TBC1D32: variants seen among roughly 807,000 people sequenced by gnomAD.
TBC1D32 encodes TBC1 domain family member 32, also known as protein broad-minded.
In TBC1D32, 151 loss-of-function variants were observed where a neutral mutation model predicts 170.3. The observed-to-expected ratio is 0.89, with a 90% CI of 0.78 to 1.01. The LOEUF (loss-of-function observed/expected upper bound fraction) is 1.01. Among genes scored for constraint, TBC1D32 ranks in the 50% least tolerant of loss-of-function variants. TBC1D32 has a pLI of 0.00. For missense variants in TBC1D32, 1,464 were observed against 1,457.1 expected (o/e 1.00, Z -0.08); for synonymous variants, 498 against 488.0 (o/e 1.02, Z -0.27).
chr6:121,118,752 C>T (rs780579600), intron 26 of TBC1D32, among the ~76,000 whole-genome samples: 1 of 152,170 alleles, frequency 6.6e-6, no homozygotes, highest in Non-Finnish European at 1.5e-5. Flanking sequence ...CAACGGACTA[C>T]ATTTCTTCCT....
In TBC1D32 at chr6:121,205,180, A is replaced by C. The variant is rs756446387; in HGVS notation, c.2482-17T>G. 3 of 1,234,362 alleles carry C rather than the reference A, an allele frequency of 2.4e-6. No individual in the cohort carries two copies. In the East Asian group the frequency reaches 7.8e-5, roughly 32 times the overall value. The allele number at this position is 1,234,362 out of a possible 1,614,324, so 76.5% of individuals were successfully genotyped here. ...AATAATATCCTGAAAAAGACAGACA[A>C]AATGAGACTGTATTTAACTGATATC... On this transcript the variant is annotated splice_polypyrimidine_tract_variant and intron_variant, in intron 21 of 31. Coordinates refer to ENST00000398212, the MANE Select transcript of TBC1D32 (RefSeq NM_152730.6).
In TBC1D32 at chr6:121,080,607, C is replaced by A; in HGVS notation, c.*164G>T. 1 of 843,024 alleles carries A rather than the reference C, an allele frequency of 1.2e-6. No homozygotes were observed. Among genetic ancestry groups the A allele is most frequent in the Admixed American group, 3.6e-5 (1 of 28,120 alleles). 52.2% of individuals were successfully genotyped at this position (843,024 alleles called of 1,614,324 possible). A position where few individuals can be genotyped will look rare whatever the true frequency, so the allele number is the denominator to read the frequency against. On this transcript the variant is annotated 3_prime_UTR_variant, in exon 32 of 32. Coordinates refer to ENST00000398212, the MANE Select transcript of TBC1D32 (RefSeq NM_152730.6). ...AACAACAAATTTACAAAAATGAATT[C>A]ACAAATTGAGCTCATACCTACTTAA...
At chr6:121,197,299 A>G (rs1015258636) in intron 22 of TBC1D32, among the ~76,000 whole-genome samples, 8 of 152,148 alleles carry the variant, frequency 5.3e-5, no homozygotes, top group Non-Finnish European at 1.2e-4. Flanking sequence ...AATGGTCCAG[A>G]CCCCTCAGGA....
At chr6:121,197,123 G>A (rs976152259) in intron 22 of TBC1D32, among the ~76,000 whole-genome samples, 5 of 152,176 alleles carry the variant, frequency 3.3e-5, no homozygotes, top group Admixed American at 6.5e-5. Context: ...TCACTGGGGT[G>A]ACTGACCCAG....
chr6:121,121,666 T>C (rs1322849600), intron 26 of TBC1D32, among the ~76,000 whole-genome samples: 5 of 152,060 alleles, frequency 3.3e-5, no homozygotes, highest in African/African-American at 1.2e-4. Flanking sequence ...CTATTGCCTA[T>C]TAAATTAAGA....
chr6:121,320,425 A>G (rs778721483), intron 2 of TBC1D32, among the ~76,000 whole-genome samples: 12 of 152,142 alleles, frequency 7.9e-5, no homozygotes, highest in Non-Finnish European at 1.8e-4. Context: ...TAGCAGTACC[A>G]TATAAAATTC....
rs1785435069 is a variant in TBC1D32, at chr6:121,160,178, T to C, written c.2680-75A>G. 7.9e-6 allele frequency: 8 copies of C among 1,014,090 alleles called. No individual in the cohort carries two copies. The South Asian group carries it at 9.4e-5, about 12-fold the overall frequency. The allele number at this position is 1,014,090 out of a possible 1,614,324, so 62.8% of individuals were successfully genotyped here. A position where few individuals can be genotyped will look rare whatever the true frequency, so the allele number is the denominator to read the frequency against. ...TTGAATTTTAAAGCTATCTGAAATA[T>C]TGTTAACTTAAACTGGCTTTTCTTG... On this transcript the variant is annotated intron_variant, in intron 23 of 31. Transcript: ENST00000398212.
intron 30 of TBC1D32, among the ~76,000 whole-genome samples, chr6:121,092,638 C>G (rs1189826152): frequency 6.6e-6 from 1 of 151,906 alleles, no homozygotes; most frequent in East Asian, 1.9e-4. Flanking sequence ...ATTGGCAGGG[C>G]TGGTTTCTTC....
intron 22 of TBC1D32, among the ~76,000 whole-genome samples, chr6:121,191,595 C>T (rs2128287096): frequency 6.7e-6 from 1 of 148,224 alleles, no homozygotes; most frequent in Middle Eastern, 3.4e-3. Flanking sequence ...GTACCAAATT[C>T]AGATCTGTGT....
At chr6:121,160,586 G>C (rs951073702) in intron 23 of TBC1D32, among the ~76,000 whole-genome samples, 2 of 151,682 alleles carry the variant, frequency 1.3e-5, no homozygotes, top group African/African-American at 4.8e-5. Flanking sequence ...GGTACTCAAT[G>C]TTTCCAATAA....
chr6:121,314,759 C>T (rs1314515766), intron 3 of TBC1D32, among the ~76,000 whole-genome samples: 1 of 152,120 alleles, frequency 6.6e-6, no homozygotes, highest in Admixed American at 6.6e-5. Context: ...TCTAATTTCC[C>T]AAGCAGTTAA....
intron 13 of TBC1D32, 146 bp from the exon 14 acceptor site, chr6:121,281,832 A>C (rs371623737): frequency 3.6e-6 from 2 of 550,470 alleles, no homozygotes; most frequent in Non-Finnish European, 3.0e-6. Context: ...AGGAAGATGT[A>C]CTACCAAATT....
intron 22 of TBC1D32, among the ~76,000 whole-genome samples, chr6:121,176,047 A>C (rs1308611833): frequency 6.6e-6 from 1 of 152,212 alleles, no homozygotes; most frequent in African/African-American, 2.4e-5. Flanking sequence ...ACATACAAAT[A>C]TCCCAGTCTT....
At chr6:121,098,885 C>T (rs115755684) in intron 30 of TBC1D32, among the ~76,000 whole-genome samples, 2,656 of 151,768 alleles carry the variant, frequency 0.018, 79 homozygotes, top group African/African-American at 0.061. Context: ...CATCTCAAGG[C>T]GCAACATCCA....
At chr6:121,216,567 T>A (rs1444712571) in intron 21 of TBC1D32, among the ~76,000 whole-genome samples, 2 of 152,144 alleles carry the variant, frequency 1.3e-5, no homozygotes, top group African/African-American at 4.8e-5. Context: ...GTCATTGGCG[T>A]GAACTGTTTA....
chr6:121,193,895 C>T (rs1429520571), intron 22 of TBC1D32, among the ~76,000 whole-genome samples: 1 of 152,164 alleles, frequency 6.6e-6, no homozygotes, highest in Non-Finnish European at 1.5e-5. Context: ...GAAGGAGAGA[C>T]TGGGTCCCCC....
At chr6:121,127,303 C>T (rs763712556) in intron 25 of TBC1D32, among the ~76,000 whole-genome samples, 1 of 151,954 alleles carries the variant, frequency 6.6e-6, no homozygotes, top group African/African-American at 2.4e-5. Flanking sequence ...GTGAAAAGTC[C>T]AAAATCAAAG....
intron 22 of TBC1D32, among the ~76,000 whole-genome samples, chr6:121,171,451 T>C (rs1331215821): frequency 6.6e-6 from 1 of 152,050 alleles, no homozygotes; most frequent in Non-Finnish European, 1.5e-5. Flanking sequence ...AGAAAAATAT[T>C]GTTAATTTTG....
chr6:121,205,047 A>T, intron 22 of TBC1D32, 28 bp downstream of exon 22: 1 of 1,277,340 alleles, frequency 7.8e-7, no homozygotes, highest in South Asian at 1.4e-5. Flanking sequence ...ATAAAATATA[A>T]TATCAAAAGT....
Sources: allele counts gnomAD v4.1 joint callset (sites outside exome capture counted in the v4.1 genomes callset), GRCh38; gene constraint gnomAD v4.1.1; transcripts MANE v1.5; gene names NCBI Gene and HGNC (gene_info 2026-07-23, HGNC 2026-07-21).